ITPR2: variants seen among roughly 807,000 people sequenced by gnomAD.
The protein encoded by ITPR2 is inositol 1,4,5-trisphosphate-gated calcium channel ITPR2.
ITPR2 carries 207 observed loss-of-function variants against 317.1 expected under a neutral mutation model. The ratio of observed to expected loss-of-function variants is 0.65; its 90% CI spans 0.58 to 0.73. ITPR2 has a LOEUF of 0.73. ITPR2 is among the 30% of genes least tolerant of loss of function. The probability of loss-of-function intolerance (pLI) is 0.00; values close to 1 mark genes in which losing one functional copy is unlikely to be tolerated. For missense variants in ITPR2, 2,613 were observed against 3,284.0 expected (o/e 0.80, Z 4.99); for synonymous variants, 1,156 against 1,149.1 (o/e 1.01, Z -0.12).
chr12:26,369,614 A>T (rs868845944), intron 55 of ITPR2, among the ~76,000 whole-genome samples: 1 of 152,372 alleles, frequency 6.6e-6, no homozygotes, highest in Non-Finnish European at 1.5e-5. Context: ...AGTACACCTG[A>T]TGTATAATAA....
chr12:26,533,000 A>T (rs1474365334), intron 37 of ITPR2, among the ~76,000 whole-genome samples: 21 of 152,136 alleles, frequency 1.4e-4, no homozygotes, highest in African/African-American at 5.1e-4. Context: ...ATAATTCTTT[A>T]ATTTAATTTG....
intron 55 of ITPR2, among the ~76,000 whole-genome samples, chr12:26,363,074 A>G (rs1404125715): frequency 1.3e-5 from 2 of 152,192 alleles, no homozygotes; most frequent in African/African-American, 4.8e-5. Flanking sequence ...GCATAGCAGG[A>G]AGTGAGTGGT....
intron 51 of ITPR2, among the ~76,000 whole-genome samples, chr12:26,412,559 T>C (rs190774256): frequency 7.9e-5 from 12 of 152,258 alleles, no homozygotes; most frequent in Admixed American, 4.6e-4. Context: ...AGAACAACAG[T>C]TAGCTAGAGG....
chr12:26,811,640 TGA>T (rs1950750523), intron 1 of ITPR2, among the ~76,000 whole-genome samples: 1 of 144,624 alleles, frequency 6.9e-6, no homozygotes, highest in African/African-American at 2.6e-5. Context: ...TGAGCCGAGA[TGA>T]CGCCACTGCA....
In ITPR2 at chr12:26,567,937, GTATATATATATATTATATA is replaced by G. The variant is rs1372437892; in HGVS notation, c.4631-6004_4631-5986del. On this transcript the variant is annotated intron_variant, in intron 34 of 56. Coordinates refer to ENST00000381340, the MANE Select transcript of ITPR2 (RefSeq NM_002223.4). The stretch of plus-strand genomic sequence containing the variant: ...CTTTTACTAAGCTAGAAAAATTCTG[GTATATATATATATTATATA>G]TATATATATATATTATATATATTAT... Among the ~76,000 whole-genome samples, 341 of 62,264 alleles carry G rather than the reference GTATATATATATATTATATA, an allele frequency of 5.5e-3. 8 individuals carry two copies. The highest frequency in any genetic ancestry group is 0.016 in the East Asian group (41 of 2,546). 40.8% of individuals were successfully genotyped at this position (62,264 alleles called of 152,430 possible). A position where few individuals can be genotyped will look rare whatever the true frequency, so the allele number is the denominator to read the frequency against.
chr12:26,366,419 A>G (rs1939012521), intron 55 of ITPR2, among the ~76,000 whole-genome samples: 1 of 152,176 alleles, frequency 6.6e-6, no homozygotes, highest in African/African-American at 2.4e-5. Flanking sequence ...TGTATTTTTC[A>G]GGGACGTCTT....
intron 34 of ITPR2, among the ~76,000 whole-genome samples, chr12:26,569,574 AAGAAAAAAAG>A (rs138901012): frequency 0.06 from 9,035 of 151,534 alleles, 295 homozygotes; most frequent in South Asian, 0.15. Flanking sequence ...AAAATCAGAA[AAGAAAAAAAG>A]AGAAAAAAAT....
chr12:26,560,827 C>T (rs79326918), intron 35 of ITPR2, among the ~76,000 whole-genome samples: 6,692 of 152,204 alleles, frequency 0.044, 150 homozygotes, highest in Middle Eastern at 0.075. Context: ...TACATGTTAC[C>T]TCTCATAATA....
intron 2 of ITPR2, among the ~76,000 whole-genome samples, chr12:26,755,949 G>C (rs1483495251): frequency 1.3e-5 from 2 of 152,076 alleles, no homozygotes; most frequent in Non-Finnish European, 2.9e-5. Context: ...CCAATTCATA[G>C]GTATTAGAGA....
intron 55 of ITPR2, among the ~76,000 whole-genome samples, chr12:26,375,960 A>T (rs1465610020): frequency 6.6e-6 from 1 of 152,162 alleles, no homozygotes; most frequent in Non-Finnish European, 1.5e-5. Flanking sequence ...TTAGCCAGGC[A>T]TGGTGGCGTG....
chr12:26,593,232 A>G (rs542853312), intron 32 of ITPR2, among the ~76,000 whole-genome samples: 167 of 152,332 alleles, frequency 1.1e-3, no homozygotes, highest in African/African-American at 3.8e-3. Flanking sequence ...TTAAAAATGT[A>G]AAGTCTTTCA....
At chr12:26,429,654 T>C (rs555630577) in intron 48 of ITPR2, among the ~76,000 whole-genome samples, 1 of 152,336 alleles carries the variant, frequency 6.6e-6, no homozygotes, top group African/African-American at 2.4e-5. Context: ...TCTAGACCTA[T>C]CGCCATGCCT....
At chr12:26,528,523 T>C (rs1943865256) in intron 37 of ITPR2, among the ~76,000 whole-genome samples, 1 of 152,232 alleles carries the variant, frequency 6.6e-6, no homozygotes, top group South Asian at 2.1e-4. Flanking sequence ...TCTTCACAGG[T>C]CACTGAAAAC....
chr12:26,614,466 A>G (rs1240139909), intron 26 of ITPR2, among the ~76,000 whole-genome samples: 1 of 152,180 alleles, frequency 6.6e-6, no homozygotes, highest in Non-Finnish European at 1.5e-5. Flanking sequence ...AACATACCCT[A>G]TGTCAACCCC....
chr12:26,709,991 G>A (rs1948618647), intron 9 of ITPR2, among the ~76,000 whole-genome samples: 1 of 152,102 alleles, frequency 6.6e-6, no homozygotes, highest in Non-Finnish European at 1.5e-5. Context: ...ATAATCCCAG[G>A]GCTTTGGGAG....
intron 9 of ITPR2, among the ~76,000 whole-genome samples, chr12:26,704,569 CCTTAA>C (rs1948515130): frequency 6.6e-6 from 1 of 151,876 alleles, no homozygotes; most frequent in Non-Finnish European, 1.5e-5. Flanking sequence ...TACTTACCCT[CCTTAA>C]CTTATCTAAG....
intron 26 of ITPR2, among the ~76,000 whole-genome samples, chr12:26,616,800 G>C (rs1946383096): frequency 6.6e-6 from 1 of 152,098 alleles, no homozygotes; most frequent in South Asian, 2.1e-4. Context: ...CCCCCCTTCA[G>C]ACAGCAAGAC....
In ITPR2 at chr12:26,355,417, C is replaced by G. The variant is rs79906408; in HGVS notation, c.7858-15089G>C. The stretch of plus-strand genomic sequence containing the variant: ...CTATCATTTATTGGATCTGGACCAA[C>G]TAAGAATGAAATAATTCTGTGACAG... On this transcript the variant is annotated intron_variant, in intron 55 of 56. Transcript: ENST00000381340. Among the ~76,000 whole-genome samples the G allele has an allele frequency of 2.3e-3, 356 of 152,244 alleles. 2 individuals are homozygous for G. The highest frequency in any genetic ancestry group is 4.3e-3 in the Non-Finnish European group (294 of 68,028).
At chr12:26,677,062 T>A (rs1402816414) in intron 13 of ITPR2, among the ~76,000 whole-genome samples, 1 of 151,142 alleles carries the variant, frequency 6.6e-6, no homozygotes, top group East Asian at 2.0e-4. Context: ...GAAGAATATA[T>A]GGTCAAAATG....
Sources: allele counts gnomAD v4.1 joint callset (sites outside exome capture counted in the v4.1 genomes callset), GRCh38; gene constraint gnomAD v4.1.1; transcripts MANE v1.5; gene names NCBI Gene and HGNC (gene_info 2026-07-23, HGNC 2026-07-21).